PBX1: variants seen among roughly 807,000 people sequenced by gnomAD.
PBX1 encodes PBX homeobox 1, also known as pre-B-cell leukemia transcription factor 1.
Under a neutral mutation model 53.4 loss-of-function variants are expected in PBX1, and 6 were observed. The ratio of observed to expected loss-of-function variants is 0.11; its 90% confidence interval spans 0.06 to 0.22. The LOEUF is 0.22. Ranked by LOEUF, PBX1 falls within the 10% of genes least tolerant of loss-of-function variation. The pLI is 1.00. For missense variants in PBX1, 251 were observed against 551.4 expected, an observed-to-expected ratio of 0.46 and a Z score of 5.46; for synonymous variants, 204 against 212.3, an observed-to-expected ratio of 0.96 and a Z score of 0.34.
intron 8 of PBX1, among the ~76,000 whole-genome samples, chr1:164,836,371 T>C (rs924020219): frequency 3.9e-5 from 6 of 152,030 alleles, no homozygotes; most frequent in Admixed American, 3.3e-4. Flanking sequence ...TGGGACTCTT[T>C]AAAAAGAAAA....
chr1:164,740,642 G>C (rs1665555433), intron 2 of PBX1, among the ~76,000 whole-genome samples: 2 of 152,092 alleles, frequency 1.3e-5, no homozygotes, highest in South Asian at 4.2e-4. Context: ...TTAGGTGTTT[G>C]GGATACAAAG....
At chr1:164,782,575 C>G (rs1667987236) in intron 2 of PBX1, among the ~76,000 whole-genome samples, 1 of 152,240 alleles carries the variant, frequency 6.6e-6, no homozygotes, top group Non-Finnish European at 1.5e-5. Flanking sequence ...TTGAATTATT[C>G]AGCAATTTTC....
At chr1:164,563,391 A>C (rs1300615809) in intron 2 of PBX1, 80 bp downstream of exon 2, 1 of 882,480 alleles carries the variant, frequency 1.1e-6, no homozygotes, top group African/African-American at 1.7e-5. Flanking sequence ...TCTATTATTT[A>C]AATATTAAAA....
At chr1:164,671,046 C>T (rs763966113) in intron 2 of PBX1, among the ~76,000 whole-genome samples, 7 of 152,140 alleles carry the variant, frequency 4.6e-5, no homozygotes, top group African/African-American at 1.7e-4. Context: ...ATGTGGTGCT[C>T]CTTATGGGAT....
intron 2 of PBX1, among the ~76,000 whole-genome samples, chr1:164,629,215 T>C (rs759161714): frequency 1.4e-4 from 22 of 152,020 alleles, no homozygotes; most frequent in Non-Finnish European, 3.1e-4. Flanking sequence ...AAGCTGATAC[T>C]CATGATCTAA....
intron 8 of PBX1, among the ~76,000 whole-genome samples, chr1:164,844,964 G>A (rs532112752): frequency 6.6e-6 from 1 of 152,304 alleles, no homozygotes; most frequent in South Asian, 2.1e-4. Flanking sequence ...GACTTGACTG[G>A]GTTAGGAGAT....
At chr1:164,708,021 T>C (rs1236245068) in intron 2 of PBX1, among the ~76,000 whole-genome samples, 3 of 152,180 alleles carry the variant, frequency 2.0e-5, no homozygotes, top group African/African-American at 7.2e-5. Context: ...ACAGCAGATT[T>C]GATGGCCTGG....
At chr1:164,595,048 G>A (rs1655662121) in intron 2 of PBX1, among the ~76,000 whole-genome samples, 1 of 152,162 alleles carries the variant, frequency 6.6e-6, no homozygotes, top group Non-Finnish European at 1.5e-5. Flanking sequence ...CCTCTCTTAT[G>A]CAGTCTATAG....
At chr1:164,742,817 C>A (rs766279322) in intron 2 of PBX1, among the ~76,000 whole-genome samples, 2 of 152,164 alleles carry the variant, frequency 1.3e-5, no homozygotes, top group African/African-American at 2.4e-5. Context: ...ATTTAAATAT[C>A]TACAGAATGA....
At chr1:164,815,227 G>C (rs1669823266) in intron 6 of PBX1, 1 of 152,176 alleles carries the variant, frequency 6.6e-6, no homozygotes. Context: ...TTCTGCAGAG[G>C]ATTTTAACAT....
At chr1:164,623,982 G>A (rs1326756138) in intron 2 of PBX1, among the ~76,000 whole-genome samples, 2 of 152,144 alleles carry the variant, frequency 1.3e-5, no homozygotes, top group African/African-American at 4.8e-5. Flanking sequence ...AAATCAGACA[G>A]GGAGATAGAA....
intron 2 of PBX1, among the ~76,000 whole-genome samples, chr1:164,651,696 C>T (rs73026094): frequency 0.09 from 13,716 of 152,132 alleles, 986 homozygotes; most frequent in African/African-American, 0.19. Context: ...GAGGAGCCCA[C>T]AAATGGGTGA....
chr1:164,862,851 G>A (rs1672131608), intron 2 of PBX1, among the ~76,000 whole-genome samples: 1 of 152,184 alleles, frequency 6.6e-6, no homozygotes, highest in African/African-American at 2.4e-5. Flanking sequence ...GGGAGTGCAA[G>A]ATGATTAAAG....
rs1487005903 is a variant in PBX1, at chr1:164,751,624, C to A, written c.266-40870C>A. Among the ~76,000 whole-genome samples, 3 of 148,210 alleles carry A rather than the reference C, an allele frequency of 2.0e-5. No individual in the cohort carries two copies. The East Asian group carries it at 6.0e-4, about 30-fold the overall frequency. ...TGAGACAAGAGTCTTGCTCTGTCGC[C>A]CAGCCTAGAGTGCAATAGGGCAATC... On this transcript the variant is annotated intron_variant, in intron 2 of 8. Coordinates refer to ENST00000420696, the MANE Select transcript of PBX1 (RefSeq NM_002585.4).
intron 2 of PBX1, among the ~76,000 whole-genome samples, chr1:164,764,872 TG>T (rs1327901299): frequency 6.6e-6 from 1 of 152,184 alleles, no homozygotes; most frequent in African/African-American, 2.4e-5. Flanking sequence ...TAGTTTCTGT[TG>T]GAACATTTGC....
At chr1:164,734,842 T>C (rs1477947306) in intron 2 of PBX1, among the ~76,000 whole-genome samples, 1 of 152,198 alleles carries the variant, frequency 6.6e-6, no homozygotes, top group Admixed American at 6.5e-5. Context: ...ACACTAACTT[T>C]CTGCTATTAC....
At chr1:164,750,307 A>G (rs567652531) in intron 2 of PBX1, among the ~76,000 whole-genome samples, 53 of 152,200 alleles carry the variant, frequency 3.5e-4, no homozygotes, top group Admixed American at 7.2e-4. Flanking sequence ...TTTAGACCCC[A>G]TTAGTGAGGG....
chr1:164,827,303 T>G (rs1670516300), intron 8 of PBX1, among the ~76,000 whole-genome samples: 1 of 152,250 alleles, frequency 6.6e-6, no homozygotes, highest in South Asian at 2.1e-4. Flanking sequence ...TACACAGTTT[T>G]AATTCTTCTA....
chr1:164,673,061 T>C (rs1422263307), intron 2 of PBX1, among the ~76,000 whole-genome samples: 4 of 152,214 alleles, frequency 2.6e-5, no homozygotes, highest in Non-Finnish European at 5.9e-5. Flanking sequence ...GTATGTAATA[T>C]AGTTCTGAGT....
Sources: allele counts gnomAD v4.1 joint callset (sites outside exome capture counted in the v4.1 genomes callset), GRCh38; gene constraint gnomAD v4.1.1; transcripts MANE v1.5; gene names NCBI Gene and HGNC (gene_info 2026-07-23, HGNC 2026-07-21).